Variants in KAT6B observed in about 807,000 individuals in gnomAD.
KAT6B encodes the protein histone acetyltransferase KAT6B.
In KAT6B, 10 loss-of-function variants were observed where a neutral mutation model predicts 187.5. That is an observed-to-expected ratio of 0.05 (90% confidence interval 0.03 to 0.09). KAT6B has a LOEUF of 0.09. Among genes scored for constraint, KAT6B ranks in the 10% least tolerant of loss-of-function variants. KAT6B has a pLI of 1.00. For synonymous variants in KAT6B, 861 were observed against 926.8 expected (o/e 0.93, Z 1.29); for missense variants, 1,952 against 2,558.9 (o/e 0.76, Z 5.12).
chr10:74,971,886 G>C (rs1189355649), intron 6 of KAT6B, among the ~76,000 whole-genome samples: 6 of 151,824 alleles, frequency 4.0e-5, no homozygotes, highest in African/African-American at 1.5e-4. Flanking sequence ...CATGCTTATT[G>C]AATCATTTCA....
intron 3 of KAT6B, among the ~76,000 whole-genome samples, chr10:74,908,549 CAAAAAAAAAAA>C (rs10715826): frequency 9.1e-6 from 1 of 109,452 alleles, no homozygotes; most frequent in Non-Finnish European, 1.9e-5. Flanking sequence ...GACCCCGTCT[CAAAAAAAAAAA>C]AAAAAAAGAA....
chr10:74,858,915 A>G (rs1018876414), intron 3 of KAT6B, among the ~76,000 whole-genome samples: 1 of 150,780 alleles, frequency 6.6e-6, no homozygotes, highest in Non-Finnish European at 1.5e-5. Flanking sequence ...ATATTGTGCC[A>G]CTATACTCCA....
intron 3 of KAT6B, among the ~76,000 whole-genome samples, chr10:74,900,610 G>A (rs946293258): frequency 6.6e-6 from 1 of 152,246 alleles, no homozygotes; most frequent in Non-Finnish European, 1.5e-5. Context: ...ACTGTGGTTT[G>A]AAGAGTGTGC....
chr10:74,972,199 T>C (rs1344473598), intron 6 of KAT6B, among the ~76,000 whole-genome samples: 1 of 152,022 alleles, frequency 6.6e-6, no homozygotes, highest in Non-Finnish European at 1.5e-5. Flanking sequence ...TCAAAAGATA[T>C]AATATCTGAC....
chr10:74,910,154 C>T (rs139794665), intron 3 of KAT6B, among the ~76,000 whole-genome samples: 3,664 of 150,044 alleles, frequency 0.024, 156 homozygotes, highest in African/African-American at 0.086. Context: ...AAATATTAGC[C>T]AGGCGTGGTG....
chr10:74,830,810 G>A (rs12248131), intron 1 of KAT6B, among the ~76,000 whole-genome samples: 2,206 of 42,986 alleles, frequency 0.051, 104 homozygotes, highest in African/African-American at 0.2. Flanking sequence ...TTTTTGAGAC[G>A]GAGTTTTGCT....
intron 3 of KAT6B, among the ~76,000 whole-genome samples, chr10:74,933,848 T>A (rs1564572475): frequency 6.6e-6 from 1 of 152,114 alleles, no homozygotes; most frequent in Non-Finnish European, 1.5e-5. Flanking sequence ...AATAAAAATT[T>A]CAAGGGATTG....
intron 3 of KAT6B, among the ~76,000 whole-genome samples, chr10:74,938,887 C>T (rs1045117006): frequency 5.9e-5 from 9 of 152,062 alleles, no homozygotes; most frequent in African/African-American, 1.9e-4. Context: ...CAGGTGCCCG[C>T]CTCTATACCT....
intron 13 of KAT6B, among the ~76,000 whole-genome samples, chr10:74,999,913 G>A (rs1442127387): frequency 6.6e-6 from 1 of 152,220 alleles, no homozygotes; most frequent in Non-Finnish European, 1.5e-5. Flanking sequence ...AGCGTCTCAC[G>A]CCTGTAATCC....
chr10:74,854,793 G>C (rs771641258), intron 3 of KAT6B, among the ~76,000 whole-genome samples: 56 of 152,212 alleles, frequency 3.7e-4, no homozygotes, highest in Admixed American at 6.5e-4. Flanking sequence ...AGATGTTTTG[G>C]CTCTATTTTG....
chr10:74,934,341 T>C (rs1170001512), intron 3 of KAT6B, among the ~76,000 whole-genome samples: 1 of 152,190 alleles, frequency 6.6e-6, no homozygotes, highest in Non-Finnish European at 1.5e-5. Flanking sequence ...AATTTCTGGA[T>C]GACTTTTTTT....
At chr10:74,841,470 C>T (rs1294730875) in intron 2 of KAT6B, among the ~76,000 whole-genome samples, 1 of 151,940 alleles carries the variant, frequency 6.6e-6, no homozygotes, top group Non-Finnish European at 1.5e-5. Context: ...GGAGGCTGTG[C>T]AGGAGAATCG....
intron 3 of KAT6B, among the ~76,000 whole-genome samples, chr10:74,902,823 C>T (rs1389026304): frequency 6.6e-6 from 1 of 152,144 alleles, no homozygotes; most frequent in Non-Finnish European, 1.5e-5. Flanking sequence ...ATTATCTTCA[C>T]TTTGGCTTGC....
intron 3 of KAT6B, among the ~76,000 whole-genome samples, chr10:74,908,679 A>T (rs1381959287): frequency 6.6e-6 from 1 of 152,194 alleles, no homozygotes; most frequent in East Asian, 1.9e-4. Flanking sequence ...GCCTATAAAA[A>T]TGGGAATTTT....
intron 13 of KAT6B, among the ~76,000 whole-genome samples, chr10:74,994,613 T>A (rs1310553740): frequency 6.6e-6 from 1 of 151,202 alleles, no homozygotes; most frequent in Non-Finnish European, 1.5e-5. Context: ...TGAAACCCTG[T>A]CTCTACAAAA....
chr10:74,840,691 A>G (rs1453263063), intron 2 of KAT6B, among the ~76,000 whole-genome samples: 2 of 152,252 alleles, frequency 1.3e-5, no homozygotes, highest in Admixed American at 1.3e-4. Context: ...GATGACCTTC[A>G]GCCCCAAGTT....
intron 3 of KAT6B, among the ~76,000 whole-genome samples, chr10:74,872,503 G>A (rs918744697): frequency 6.6e-6 from 1 of 152,054 alleles, no homozygotes; most frequent in Non-Finnish European, 1.5e-5. Flanking sequence ...AGCCTCCCGA[G>A]TAGGTGGGAC....
In KAT6B at chr10:75,030,970, C is replaced by T; in HGVS notation, c.6146C>T (p.Thr2049Met). The T allele has an allele frequency of 3.7e-6, 6 of 1,614,140 alleles. No homozygotes were observed. Among genetic ancestry groups the T allele is most frequent in the East Asian group, 2.2e-5 (1 of 44,888 alleles). ...QTPPHGNMMY[T>M]APGHHGYMNT... ...CCACCCCACGGTAACATGATGTACA[C>T]GGCCCCCGGACATCACGGCTACATG... is the stretch of plus-strand genomic sequence containing the variant. Residue 2049 changes from threonine (T) to methionine (M), a missense_variant, in exon 18 of 18, where the codon ACG (threonine) becomes ATG (methionine). Thr to Met is a moderately conservative substitution (Grantham distance 81). This residue lies in a region of KAT6B where 358 missense variants were observed against 436.3 expected (regional missense o/e 0.82). Transcript: ENST00000287239. This position sits in a 1 kb window ranked among gnomAD's most constrained non-coding sequence, Gnocchi z 4.8.
At chr10:74,956,901 TGTTGTTGGG>T in intron 3 of KAT6B, among the ~76,000 whole-genome samples, 1 of 152,358 alleles carries the variant, frequency 6.6e-6, no homozygotes, top group African/African-American at 2.4e-5. Flanking sequence ...TATTCAGGCA[TGTTGTTGGG>T]AAAATGTGAT....
Sources: allele counts gnomAD v4.1 joint callset (sites outside exome capture counted in the v4.1 genomes callset), GRCh38; gene constraint gnomAD v4.1.1; regional missense constraint gnomAD v4.1.1; non-coding constraint Gnocchi (gnomAD v3.1); transcripts MANE v1.5; gene names NCBI Gene and HGNC (gene_info 2026-07-23, HGNC 2026-07-21).